SLC13A5: variants seen among roughly 807,000 people sequenced by gnomAD.
SLC13A5 encodes the protein solute carrier family 13 member 5.
A neutral mutation model predicts 56.5 loss-of-function variants in SLC13A5; 25 were observed. That is an observed-to-expected ratio of 0.44 (90% CI 0.32 to 0.62). The LOEUF (loss-of-function observed/expected upper bound fraction) is 0.62, where lower values mean the gene tolerates loss of function less well. Among genes scored for constraint, SLC13A5 ranks in the 20% least tolerant of loss-of-function variants. The pLI, the probability that SLC13A5 is intolerant of heterozygous loss-of-function variation, is 0.04. For missense variants in SLC13A5, 649 were observed against 737.8 expected (o/e 0.88, Z 1.39); for synonymous variants, 307 against 301.5 (o/e 1.02, Z -0.19).
At chr17:6,702,208 T>C (rs1973733013) in intron 5 of SLC13A5, among the ~76,000 whole-genome samples, 1 of 152,142 alleles carries the variant, frequency 6.6e-6, no homozygotes, top group Non-Finnish European at 1.5e-5. Context: ...CACCTTATTT[T>C]TGTGCCTGCC....
chr17:6,690,401 T>C (rs1973374672), intron 10 of SLC13A5, among the ~76,000 whole-genome samples: 2 of 152,202 alleles, frequency 1.3e-5, no homozygotes, highest in Admixed American at 1.3e-4. Context: ...TTCCAGCCAG[T>C]GGTGCTCCCA....
chr17:6,703,971 C>A lies in SLC13A5; in HGVS notation c.454G>T (p.Val152Leu). The part of the protein sequence containing the change: ...TATTAMMVPI[V>L]EAILQQMEAT... ...TCCATCTGCTGCAATATGGCCTCCA[C>A]GATGGGCACCATCATGGCCGTGGTT... Residue 152 changes from valine (V) to leucine (L), a missense_variant, in exon 4 of 12, where the codon GTG becomes TTG. Val to Leu is a conservative substitution (Grantham distance 32, BLOSUM62 1). Transcript: ENST00000433363. 3.7e-6 allele frequency: 6 copies of A among 1,612,750 alleles called. No individual in the cohort carries two copies. The highest frequency in any genetic ancestry group is 1.3e-5 in the African/African-American group (1 of 74,980).
intron 6 of SLC13A5, among the ~76,000 whole-genome samples, chr17:6,698,575 T>C (rs1432571477): frequency 6.6e-6 from 1 of 152,206 alleles, no homozygotes; most frequent in Non-Finnish European, 1.5e-5. Context: ...GGGGATGCCA[T>C]GCAGTGGGAG....
intron 6 of SLC13A5, among the ~76,000 whole-genome samples, chr17:6,700,603 G>A (rs1973684811): frequency 6.6e-6 from 1 of 152,202 alleles, no homozygotes; most frequent in Non-Finnish European, 1.5e-5. Context: ...GCTGGGAGCT[G>A]TGCGGGGTGC....
At chr17:6,690,961 A>G in intron 9 of SLC13A5, 21 bp from the exon 10 acceptor site, 1 of 1,586,582 alleles carries the variant, frequency 6.3e-7, no homozygotes, top group Non-Finnish European at 8.6e-7. Flanking sequence ...CCAGGAGGGC[A>G]GTCATCTCAG....
intron 9 of SLC13A5, 24 bp downstream of exon 9, chr17:6,693,020 G>A (rs1196099933): frequency 6.3e-7 from 1 of 1,578,968 alleles, no homozygotes; most frequent in Non-Finnish European, 8.7e-7. Context: ...AGGGCTCTGG[G>A]CAGCCTGTGG....
intron 7 of SLC13A5, among the ~76,000 whole-genome samples, 197 bp from the exon 8 acceptor site, chr17:6,694,394 G>A (rs954179427): frequency 3.9e-5 from 6 of 152,136 alleles, no homozygotes; most frequent in South Asian, 2.1e-4. Context: ...TGAGGCGGGC[G>A]GATCACGAGG....
In SLC13A5 at chr17:6,713,163, C is replaced by T. The variant is rs1974084534; in HGVS notation, c.102+69G>A. On this transcript the variant is annotated intron_variant, in intron 1 of 11. Transcript: ENST00000433363. This position sits in a 1 kb window ranked among gnomAD's most constrained non-coding sequence, Gnocchi z 7.3. ...TCCGTGCGCTCCAGCTCAGGGCTCC[C>T]GGGATCGGTGCCCGTTAGTGGGCAC... 2.7e-6 allele frequency: 4 copies of T among 1,505,826 alleles called. No individual in the cohort carries two copies. The highest frequency in any genetic ancestry group is 3.7e-6 in the Non-Finnish European group (4 of 1,095,286). The allele number at this position is 1,505,826 out of a possible 1,614,324, so 93.3% of individuals were successfully genotyped here.
In SLC13A5 at chr17:6,686,277, G is replaced by T; in HGVS notation, c.1637C>A (p.Thr546Asn). 1 of 1,614,164 alleles carries T rather than the reference G, an allele frequency of 6.2e-7. No homozygotes were observed. The highest frequency in any genetic ancestry group is 8.5e-7 in the Non-Finnish European group (1 of 1,180,028). ...CAAGTCAAATATGGCCCGTCCCCAG[G>T]TGTTGACAGCCAAAAACACACAGAA... ...GVFCVFLAVN[T>N]WGRAIFDLDH... is the part of the protein sequence containing the mutation. The change falls in exon 12 of 12, where the codon ACC (threonine) becomes AAC (asparagine). Residue 546 changes from threonine to asparagine, a missense_variant. Thr to Asn is a moderately conservative substitution (Grantham distance 65, BLOSUM62 0). Transcript: ENST00000433363.
At chr17:6,693,919 T>C (rs1433897506) in intron 8 of SLC13A5, among the ~76,000 whole-genome samples, 178 bp downstream of exon 8, 3 of 152,254 alleles carry the variant, frequency 2.0e-5, no homozygotes, top group African/African-American at 7.2e-5. Context: ...GCAAAAAAGA[T>C]ATTTTGCACT....
At chr17:6,686,767 T>C (rs750983687) in intron 11 of SLC13A5, 8 of 180,154 alleles carry the variant, frequency 4.4e-5, no homozygotes, top group Non-Finnish European at 7.1e-5. Context: ...TCCCTCATGG[T>C]CACTAACCAT....
chr17:6,699,601 G>C lies in SLC13A5; in HGVS notation c.839+1403C>G, dbSNP rs1032427960. ...TTCTCCTGCCTCAGCCTCCCAAGTA[G>C]CTGGGGTTACAGGCATGTGCCACCA... On this transcript the variant is annotated intron_variant, in intron 6 of 11. Coordinates refer to ENST00000433363, the MANE Select transcript of SLC13A5 (RefSeq NM_177550.5). 2.6e-5 allele frequency among the ~76,000 whole-genome samples: 4 copies of C among 152,284 alleles called. No individual in the cohort carries two copies. The South Asian group carries it at 6.2e-4, about 24-fold the overall frequency.
At chr17:6,695,407 TGAGACGGAG>T in intron 7 of SLC13A5, 3 of 237,014 alleles carry the variant, frequency 1.3e-5, no homozygotes, top group African/African-American at 2.3e-5. Context: ...TCTCTTTTTT[TGAGACGGAG>T]TCTCTCTCTG....
rs1973212306 is a variant in SLC13A5, at chr17:6,685,332, T to C, written c.*875A>G. On this transcript the variant is annotated 3_prime_UTR_variant, in exon 12 of 12. Transcript: ENST00000433363. The surrounding 1 kb of genome is among the most constrained non-coding windows in gnomAD (Gnocchi z 4.2). ...CCCATACTTGGAGTGTGATCCTAGC[T>C]ATTTGGGGATGGCAGGGGAAGCATC... 1.3e-5 allele frequency: 2 copies of C among 152,174 alleles called. No individual in the cohort carries two copies. Among genetic ancestry groups the C allele is most frequent in the South Asian group, 4.1e-4 (2 of 4,826 alleles). 9.4% of individuals were successfully genotyped at this position (152,174 alleles called of 1,614,324 possible). A position where few individuals can be genotyped will look rare whatever the true frequency, so the allele number is the denominator to read the frequency against.
chr17:6,703,998 C>T lies in SLC13A5; in HGVS notation c.427G>A (p.Ala143Thr). ...ATGGGCACCATCATGGCCGTGGTTG[C>T]CGTGTTACTGATCCACATGGACAGG... is the stretch of plus-strand genomic sequence containing the variant. ...ALLSMWISNTATTAMMVPIVE... is the reference protein window; with the variant it reads ...ALLSMWISNTTTTAMMVPIVE... Residue 143 changes from alanine to threonine, a missense_variant, in exon 4 of 12, where the codon GCA (alanine) becomes ACA (threonine). Physicochemically the swap from Ala to Thr is moderately conservative, Grantham distance 58. Coordinates refer to ENST00000433363, the MANE Select transcript of SLC13A5 (RefSeq NM_177550.5). 6.2e-7 allele frequency: 1 copy of T among 1,613,178 alleles called. No individual in the cohort carries two copies. Among genetic ancestry groups the T allele is most frequent in the Non-Finnish European group, 8.5e-7 (1 of 1,179,608 alleles).
At position 6,694,110 on chromosome 17, in the gene SLC13A5, G is replaced by A; in HGVS notation, c.1143C>T (p.Ser381=). 1 of 1,611,890 alleles carries A rather than the reference G, an allele frequency of 6.2e-7. No individual in the cohort carries two copies. The highest frequency in any genetic ancestry group is 2.2e-5 in the East Asian group (1 of 44,830). The part of the protein sequence containing the change: ...PSQKPKFNFR[S]QTEEERKTPF... The stretch of plus-strand genomic sequence containing the variant: ...CAGGAGACTTACCTTCCTCAGTCTG[G>A]CTGCGGAAGTTAAACTTGGGCTTCT... The change falls in exon 8 of 12, where the codon AGC becomes AGT. Residue 381 remains serine, a synonymous_variant. Coordinates refer to ENST00000433363, the MANE Select transcript of SLC13A5 (RefSeq NM_177550.5).
rs1973453107 is a variant in SLC13A5 at position 6,693,048 on chromosome 17, G to T, written c.1271C>A (p.Ser424Tyr). The change falls in exon 9 of 12, where the codon TCC becomes TAC. Residue 424 changes from serine to tyrosine, a missense_variant. By Grantham distance (144) the Ser-to-Tyr change is moderately radical. Coordinates refer to ENST00000433363, the MANE Select transcript of SLC13A5 (RefSeq NM_177550.5). ...LGGGFALAKG[S>Y]EASGLSVWMG... ...GCCTGTGGCTGGAGAAGTTACCTCG[G>T]ATCCTTTAGCCAGAGCAAATCCGCC... 6.2e-7 allele frequency: 1 copy of T among 1,613,828 alleles called. No homozygotes were observed. Among genetic ancestry groups the T allele is most frequent in the African/African-American group, 1.3e-5 (1 of 74,906 alleles).
Position 6,711,701 on chromosome 17 carries a change from G to A in SLC13A5, c.102+1531C>T, listed in dbSNP as rs564857502. ...TGTGTGTTTGTGAGTGTGTGTGTGT[G>A]AGAGAGAGAGTGTGTATGTGTGTGT... On this transcript the variant is annotated intron_variant, in intron 1 of 11. Transcript: ENST00000433363. The surrounding 1 kb of genome is among the most constrained non-coding windows in gnomAD (Gnocchi z 4.0). Among the ~76,000 whole-genome samples, 8 of 151,482 alleles carry A rather than the reference G, an allele frequency of 5.3e-5. No individual in the cohort carries two copies. Among genetic ancestry groups the A allele is most frequent in the African/African-American group, 1.9e-4 (8 of 41,178 alleles).
rs771730606 is a variant in SLC13A5, at chr17:6,700,992, G to C, written c.839+12C>G. On this transcript the variant is annotated intron_variant, in intron 6 of 11. Coordinates refer to ENST00000433363, the MANE Select transcript of SLC13A5 (RefSeq NM_177550.5). The stretch of plus-strand genomic sequence containing the variant: ...ATTAGGCATAATTAGGCTGTGAGCA[G>C]CTCAAACTTACTTGAATCTCATGTA... 4.3e-6 allele frequency: 7 copies of C among 1,613,858 alleles called. No individual in the cohort carries two copies. In the South Asian group the frequency reaches 6.6e-5, roughly 15 times the overall value.
Sources: gnomAD v4.1 joint callset for allele counts (sites outside exome capture counted in the v4.1 genomes callset) on GRCh38, gnomAD v4.1.1 for gene constraint, Gnocchi (gnomAD v3.1) non-coding constraint, MANE v1.5 for transcripts, NCBI Gene and HGNC (gene_info 2026-07-23, HGNC 2026-07-21) for gene names.